Variants in ZNF385D observed in about 807,000 individuals in gnomAD.
The protein encoded by ZNF385D is zinc finger protein 659.
In ZNF385D, 15 loss-of-function variants were observed where a neutral mutation model predicts 35.8. The ratio of observed to expected loss-of-function variants is 0.42; its 90% CI spans 0.28 to 0.64. ZNF385D has a LOEUF of 0.64. Ranked by LOEUF, ZNF385D falls within the 30% of genes least tolerant of loss-of-function variation. The probability of loss-of-function intolerance (pLI) is 0.23; values close to 1 mark genes in which losing one functional copy is unlikely to be tolerated. For synonymous variants in ZNF385D, 212 were observed against 186.8 expected (o/e 1.13, Z -1.10); for missense variants, 474 against 494.6 (o/e 0.96, Z 0.39).
intron 3 of ZNF385D, among the ~76,000 whole-genome samples, chr3:22,111,002 C>G (rs1371399741): frequency 6.6e-6 from 1 of 151,686 alleles, no homozygotes; most frequent in Non-Finnish European, 1.5e-5. Flanking sequence ...TTAGTTTTAT[C>G]AAACTGAGAA....
chr3:22,358,842 G>A (rs1444281358), intron 2 of ZNF385D, among the ~76,000 whole-genome samples: 2 of 151,602 alleles, frequency 1.3e-5, no homozygotes, highest in Admixed American at 1.3e-4. Context: ...CATTGATAAT[G>A]GATGCCTAGT....
intron 3 of ZNF385D, among the ~76,000 whole-genome samples, chr3:21,930,339 T>C (rs192398037): frequency 1.3e-5 from 2 of 149,410 alleles, no homozygotes; most frequent in African/African-American, 4.9e-5. Context: ...CTAAAAAACC[T>C]TTGGAAGAAT....
At chr3:22,109,230 G>C (rs956230950) in intron 3 of ZNF385D, among the ~76,000 whole-genome samples, 1 of 152,120 alleles carries the variant, frequency 6.6e-6, no homozygotes, top group African/African-American at 2.4e-5. Context: ...CTCAGTCAGA[G>C]GTCCAGTCCT....
intron 3 of ZNF385D, among the ~76,000 whole-genome samples, chr3:21,840,366 A>G (rs1333838792): frequency 1.3e-5 from 2 of 151,986 alleles, no homozygotes; most frequent in East Asian, 3.9e-4. Flanking sequence ...TTACTTTTCT[A>G]CCCCTCAGAG....
At chr3:21,542,466 G>A (rs2062206464) in intron 3 of ZNF385D, among the ~76,000 whole-genome samples, 1 of 151,590 alleles carries the variant, frequency 6.6e-6, no homozygotes, top group Admixed American at 6.6e-5. Context: ...TCAAACCTCT[G>A]CTTCTCAAGT....
chr3:21,788,667 A>C (rs1345941952), intron 3 of ZNF385D, among the ~76,000 whole-genome samples: 2 of 152,164 alleles, frequency 1.3e-5, no homozygotes, highest in Non-Finnish European at 2.9e-5. Flanking sequence ...TGCTTTTTTA[A>C]ATTTTTGATT....
At chr3:22,047,876 G>T (rs1484820246) in intron 3 of ZNF385D, among the ~76,000 whole-genome samples, 1 of 151,986 alleles carries the variant, frequency 6.6e-6, no homozygotes, top group Admixed American at 6.6e-5. Context: ...CAGATACAAG[G>T]CTTCCCTTTT....
intron 6 of ZNF385D, 58 bp from the exon 7 acceptor site, chr3:21,424,122 C>A: frequency 6.9e-7 from 1 of 1,442,316 alleles, no homozygotes. Flanking sequence ...AAACCTCTCA[C>A]AAATATTGCT....
At chr3:22,197,093 T>G (rs1169084532) in intron 2 of ZNF385D, among the ~76,000 whole-genome samples, 1 of 152,104 alleles carries the variant, frequency 6.6e-6, no homozygotes, top group African/African-American at 2.4e-5. Context: ...TTTCACATAA[T>G]TTTTAGTCTG....
At chr3:21,827,804 C>G (rs1694738423) in intron 3 of ZNF385D, among the ~76,000 whole-genome samples, 1 of 152,158 alleles carries the variant, frequency 6.6e-6, no homozygotes, top group Admixed American at 6.5e-5. Flanking sequence ...CATTCAAATG[C>G]AGTTTTTGAT....
chr3:22,289,470 T>C (rs1050467411), intron 2 of ZNF385D, among the ~76,000 whole-genome samples: 3 of 152,164 alleles, frequency 2.0e-5, no homozygotes, highest in Non-Finnish European at 2.9e-5. Context: ...CAAAGGTTTA[T>C]TGTTTCTCTA....
intron 4 of ZNF385D, among the ~76,000 whole-genome samples, chr3:21,484,767 T>A (rs1039029367): frequency 6.6e-6 from 1 of 152,052 alleles, no homozygotes; most frequent in East Asian, 1.9e-4. Context: ...GTGGGTATAA[T>A]CAAAAGAGTC....
intron 2 of ZNF385D, among the ~76,000 whole-genome samples, chr3:22,355,073 C>T (rs1056799012): frequency 6.6e-6 from 1 of 151,976 alleles, no homozygotes; most frequent in Non-Finnish European, 1.5e-5. Context: ...TCTATATTTA[C>T]TTATGATATA....
chr3:21,767,586 T>C (rs556586692), intron 3 of ZNF385D, among the ~76,000 whole-genome samples: 2 of 152,034 alleles, frequency 1.3e-5, no homozygotes, highest in East Asian at 3.9e-4. Flanking sequence ...TGACCTTGAT[T>C]CACAGTAGGT....
At chr3:22,077,450 G>A (rs1265016687) in intron 3 of ZNF385D, among the ~76,000 whole-genome samples, 1 of 151,942 alleles carries the variant, frequency 6.6e-6, no homozygotes, top group Non-Finnish European at 1.5e-5. Flanking sequence ...CTATGCTGAT[G>A]TAATTTGGTC....
chr3:21,797,101 G>A (rs1410441365), intron 3 of ZNF385D, among the ~76,000 whole-genome samples: 1 of 152,086 alleles, frequency 6.6e-6, no homozygotes, highest in East Asian at 1.9e-4. Context: ...TCTGATAAAG[G>A]ACTCTCATCC....
At chr3:22,071,820 G>A (rs1482254544) in intron 3 of ZNF385D, among the ~76,000 whole-genome samples, 1 of 152,020 alleles carries the variant, frequency 6.6e-6, no homozygotes, top group Non-Finnish European at 1.5e-5. Flanking sequence ...AAGTGCCTAA[G>A]ACAAGCAATC....
chr3:21,931,204 TTAG>T (rs1224763554), intron 3 of ZNF385D, among the ~76,000 whole-genome samples: 4 of 152,278 alleles, frequency 2.6e-5, no homozygotes, highest in South Asian at 2.1e-4. Context: ...CTCAGTATCT[TTAG>T]TAGTTAAGAA....
chr3:21,922,836 A>G (rs1462909569), intron 3 of ZNF385D, among the ~76,000 whole-genome samples: 1 of 152,106 alleles, frequency 6.6e-6, no homozygotes, highest in African/African-American at 2.4e-5. Context: ...GAAATAATCA[A>G]TAAATAGACA....
Sources: gnomAD v4.1 joint callset for allele counts (sites outside exome capture counted in the v4.1 genomes callset) on GRCh38, gnomAD v4.1.1 for gene constraint, MANE v1.5 for transcripts, NCBI Gene and HGNC (gene_info 2026-07-23, HGNC 2026-07-21) for gene names.